Variants in B3GALT1 observed in about 807,000 individuals in gnomAD.
B3GALT1 encodes UDP-Gal:betaGlcNAc beta 1,3-galactosyltransferase, polypeptide 1.
Under a neutral mutation model 23.2 loss-of-function variants are expected in B3GALT1, and 10 were observed. The observed-to-expected ratio is 0.43, with a 90% CI of 0.27 to 0.73. The LOEUF (loss-of-function observed/expected upper bound fraction) is 0.73, where lower values mean the gene tolerates loss of function less well. Ranked by LOEUF, B3GALT1 falls within the 30% of genes least tolerant of loss-of-function variation. The probability of loss-of-function intolerance (pLI) is 0.21; values close to 1 mark genes in which losing one functional copy is unlikely to be tolerated. For missense variants in B3GALT1, 299 were observed against 405.4 expected (o/e 0.74, Z 2.25); for synonymous variants, 156 against 141.5 (o/e 1.10, Z -0.73).
intron 3 of B3GALT1, among the ~76,000 whole-genome samples, chr2:167,742,687 C>G (rs1375301470): frequency 2.0e-5 from 3 of 151,950 alleles, no homozygotes; most frequent in Non-Finnish European, 4.4e-5. Flanking sequence ...AGTATGAGCA[C>G]AGAAATGATG....
chr2:167,810,201 G>A (rs1002484141), intron 3 of B3GALT1, among the ~76,000 whole-genome samples: 8 of 151,064 alleles, frequency 5.3e-5, no homozygotes, highest in Admixed American at 2.0e-4. Context: ...GACTAGGAAA[G>A]GGAATTCCCT....
chr2:167,821,162 A>G (rs1359304958), intron 4 of B3GALT1, among the ~76,000 whole-genome samples: 1 of 152,206 alleles, frequency 6.6e-6, no homozygotes, highest in Non-Finnish European at 1.5e-5. Flanking sequence ...AGCACTTTGC[A>G]ATTGAATCAT....
At chr2:167,346,113 T>C (rs1397134825) in intron 1 of B3GALT1, among the ~76,000 whole-genome samples, 1 of 151,988 alleles carries the variant, frequency 6.6e-6, no homozygotes, top group Non-Finnish European at 1.5e-5. Flanking sequence ...TAAATAAATA[T>C]ATTTTACACT....
intron 1 of B3GALT1, among the ~76,000 whole-genome samples, chr2:167,454,666 A>G (rs1292948871): frequency 6.6e-6 from 1 of 152,168 alleles, no homozygotes; most frequent in Non-Finnish European, 1.5e-5. Context: ...GTAATGTTAG[A>G]AATAATAAAG....
chr2:167,725,195 C>G (rs1254869503), intron 3 of B3GALT1, among the ~76,000 whole-genome samples: 2 of 152,114 alleles, frequency 1.3e-5, no homozygotes, highest in African/African-American at 4.8e-5. Flanking sequence ...CTAGAAGCCT[C>G]AAAACTTGGA....
At chr2:167,671,039 A>C (rs1686316836) in intron 3 of B3GALT1, among the ~76,000 whole-genome samples, 1 of 152,170 alleles carries the variant, frequency 6.6e-6, no homozygotes, top group Non-Finnish European at 1.5e-5. Flanking sequence ...GGATGGCTAC[A>C]CTTTTATCAG....
intron 2 of B3GALT1, among the ~76,000 whole-genome samples, chr2:167,512,817 T>A (rs1402740377): frequency 6.8e-6 from 1 of 147,490 alleles, no homozygotes; most frequent in African/African-American, 2.5e-5. Context: ...CTAATTTTTT[T>A]ATTTGTTGTA....
Position 167,821,278 on chromosome 2 carries a change from G to A in B3GALT1, c.-230+2485G>A, listed in dbSNP as rs187707491. Among the ~76,000 whole-genome samples the A allele has an allele frequency of 1.2e-4, 18 of 152,038 alleles. No homozygotes were observed. In the East Asian group the frequency reaches 3.5e-3, roughly 29 times the overall value. On this transcript the variant is annotated intron_variant, in intron 4 of 4. Transcript: ENST00000392690. ...CCAACTTTTATGGGACTCATCATAG[G>A]CCCTTGAATGTTTAAGTCTTTTGCA...
chr2:167,535,026 T>A (rs1478924711), intron 2 of B3GALT1, among the ~76,000 whole-genome samples: 1 of 152,138 alleles, frequency 6.6e-6, no homozygotes, highest in East Asian at 1.9e-4. Flanking sequence ...AGAGCCAGAC[T>A]CAAACCCAAG....
At chr2:167,517,714 TA>T (rs1238345952) in intron 2 of B3GALT1, among the ~76,000 whole-genome samples, 2 of 152,072 alleles carry the variant, frequency 1.3e-5, no homozygotes, top group African/African-American at 4.8e-5. Flanking sequence ...ACTAGCTTTG[TA>T]GTGGACATAA....
At chr2:167,743,461 C>A (rs1449872268) in intron 3 of B3GALT1, among the ~76,000 whole-genome samples, 1 of 151,990 alleles carries the variant, frequency 6.6e-6, no homozygotes, top group Non-Finnish European at 1.5e-5. Flanking sequence ...TCTATATCTC[C>A]AATTACTAAT....
chr2:167,616,528 C>T (rs567487160), intron 2 of B3GALT1, among the ~76,000 whole-genome samples: 2 of 151,902 alleles, frequency 1.3e-5, no homozygotes, highest in South Asian at 2.1e-4. Flanking sequence ...ATGGTGAAAC[C>T]CCGTCGCTAC....
intron 2 of B3GALT1, among the ~76,000 whole-genome samples, chr2:167,577,186 C>T (rs566857168): frequency 2.0e-4 from 31 of 151,764 alleles, no homozygotes; most frequent in Non-Finnish European, 4.1e-4. Flanking sequence ...TTATGAAATC[C>T]CCTTCTCTGT....
intron 2 of B3GALT1, among the ~76,000 whole-genome samples, chr2:167,543,853 A>G (rs181343472): frequency 2.4e-3 from 373 of 152,358 alleles, no homozygotes; most frequent in Non-Finnish European, 4.4e-3. Context: ...TCAGACATAT[A>G]CTGGCTGTAA....
At chr2:167,697,800 T>G (rs1051361271) in intron 3 of B3GALT1, among the ~76,000 whole-genome samples, 1 of 152,124 alleles carries the variant, frequency 6.6e-6, no homozygotes, top group African/African-American at 2.4e-5. Context: ...AAAGCATTGA[T>G]TAGGTTGATC....
intron 1 of B3GALT1, among the ~76,000 whole-genome samples, chr2:167,443,621 C>G (rs1487815827): frequency 6.6e-6 from 1 of 152,044 alleles, no homozygotes; most frequent in African/African-American, 2.4e-5. Context: ...GTATTTTATT[C>G]TCTTTGAAGC....
At position 167,434,906 on chromosome 2, in the gene B3GALT1, C is replaced by A. The variant is rs78092788; in HGVS notation, c.-510-55271C>A. On this transcript the variant is annotated intron_variant, in intron 1 of 4. Coordinates refer to ENST00000392690, the MANE Select transcript of B3GALT1 (RefSeq NM_020981.4). ...CAAAACATATGTAAAGAAAGAATCT[C>A]AAAGTGGAAATGTTGTGATATAGAA... 5.5e-3 allele frequency among the ~76,000 whole-genome samples: 840 copies of A among 152,074 alleles called. 10 individuals are homozygous for A. The highest frequency in any genetic ancestry group is 0.019 in the African/African-American group (806 of 41,492).
chr2:167,639,931 G>T (rs539198028), intron 2 of B3GALT1, among the ~76,000 whole-genome samples: 4 of 152,182 alleles, frequency 2.6e-5, no homozygotes, highest in Admixed American at 2.6e-4. Flanking sequence ...TGTGAAAGTG[G>T]ATCACAGAAA....
intron 3 of B3GALT1, among the ~76,000 whole-genome samples, chr2:167,778,340 T>C (rs1454255877): frequency 6.6e-6 from 1 of 152,138 alleles, no homozygotes; most frequent in African/African-American, 2.4e-5. Context: ...TCAATTTCCT[T>C]TTGTTTCCCT....
Sources: gnomAD v4.1 joint callset for allele counts (sites outside exome capture counted in the v4.1 genomes callset) on GRCh38, gnomAD v4.1.1 for gene constraint, MANE v1.5 for transcripts, NCBI Gene and HGNC (gene_info 2026-07-23, HGNC 2026-07-21) for gene names.